The following TTLL2 variants were observed in gnomAD, a reference collection of about 807,000 sequenced individuals.
TTLL2 encodes tubulin tyrosine ligase like 2, also known as probable tubulin polyglutamylase TTLL2.
Under a neutral mutation model 7.5 loss-of-function variants are expected in TTLL2, and 10 were observed. The observed-to-expected ratio is 1.33, with a 90% CI of 0.82 to 2.25. The LOEUF is 2.25. TTLL2 is among the 30% of genes most tolerant of loss of function. The probability of loss-of-function intolerance (pLI) is 0.00; values close to 1 mark genes in which losing one functional copy is unlikely to be tolerated. For missense variants in TTLL2, 733 were observed against 735.7 expected (o/e 1.00, Z 0.04); for synonymous variants, 284 against 280.3 (o/e 1.01, Z -0.13).
intron 1 of TTLL2, among the ~76,000 whole-genome samples, chr6:167,325,711 T>C (rs1227500581): frequency 6.6e-6 from 1 of 152,094 alleles, no homozygotes; most frequent in Non-Finnish European, 1.5e-5. Flanking sequence ...CAGAATTGTT[T>C]CCATAGGATA....
chr6:167,329,173 G>C (rs886913565), intron 1 of TTLL2, among the ~76,000 whole-genome samples: 1 of 152,076 alleles, frequency 6.6e-6, no homozygotes, highest in African/African-American at 2.4e-5. Context: ...TGAAACACAG[G>C]CTCCCACCTC....
Position 167,342,596 on chromosome 6 carries a change from G to T in TTLL2, c.*917G>T, listed in dbSNP as rs1270091212. The stretch of plus-strand genomic sequence containing the variant: ...AAATGTTCTGGAACTATATAGAGGT[G>T]ATGGTTGCACAACACGGGGAATTCA... On this transcript the variant is annotated 3_prime_UTR_variant, in exon 3 of 3. Coordinates refer to ENST00000239587, the MANE Select transcript of TTLL2 (RefSeq NM_031949.5). 6.6e-6 allele frequency among the ~76,000 whole-genome samples: 1 copy of T among 152,160 alleles called. No individual in the cohort carries two copies. Among genetic ancestry groups the T allele is most frequent in the African/African-American group, 2.4e-5 (1 of 41,416 alleles).
rs202147809 is a variant in TTLL2, at chr6:167,340,721, A to G, written c.821A>G (p.Gln274Arg). 3.1e-6 allele frequency: 5 copies of G among 1,614,190 alleles called. No individual in the cohort carries two copies. Among genetic ancestry groups the G allele is most frequent in the Non-Finnish European group, 4.2e-6 (5 of 1,180,042 alleles). Reference protein sequence around the residue: ...GFKPLTIYVYQEGLVRFATEK... With the variant: ...GFKPLTIYVYREGLVRFATEK... ...AAGCCTTTGACCATTTATGTTTATC[A>G]GGAAGGGTTGGTTCGGTTTGCCACG... is the stretch of plus-strand genomic sequence containing the variant. Residue 274 changes from glutamine (Q) to arginine (R), a missense_variant, in exon 3 of 3, where the codon CAG (glutamine) becomes CGG (arginine). By Grantham distance (43) the Gln-to-Arg change is conservative. Transcript: ENST00000239587.
At chr6:167,328,275 C>A (rs1163049334) in intron 1 of TTLL2, 1 of 361,702 alleles carries the variant, frequency 2.8e-6, no homozygotes, top group African/African-American at 2.1e-5. Flanking sequence ...GTCTTCTGGG[C>A]AAATCAGTGG....
chr6:167,338,726 C>T lies in TTLL2; in HGVS notation c.127C>T (p.Leu43=), dbSNP rs770225993. Residue 43 remains leucine (L), a synonymous_variant, in exon 2 of 3, where the codon CTG becomes TTG. Transcript: ENST00000239587. ...ANHTEQPPAG[L]GARLQEAGVS... is the part of the protein sequence containing the mutation. ...CCACACTGAGCAGCCGCCTGCAGGC[C>T]TGGGAGCAAGGCTACAGGAAGCAGG... The T allele has an allele frequency of 6.2e-7, 1 of 1,614,126 alleles. No homozygotes were observed. Among genetic ancestry groups the T allele is most frequent in the African/African-American group, 1.3e-5 (1 of 75,048 alleles).
Position 167,342,219 on chromosome 6 carries a change from A to T in TTLL2, c.*540A>T, listed in dbSNP as rs1779107037. Among the ~76,000 whole-genome samples, 1 of 152,228 alleles carries T rather than the reference A, an allele frequency of 6.6e-6. No individual in the cohort carries two copies. The highest frequency in any genetic ancestry group is 1.5e-5 in the Non-Finnish European group (1 of 68,042). On this transcript the variant is annotated 3_prime_UTR_variant, in exon 3 of 3. Coordinates refer to ENST00000239587, the MANE Select transcript of TTLL2 (RefSeq NM_031949.5). Reference sequence around the variant, plus strand: ...TGGGCTTGAAATCAGACTTTGCACCAAAGAGCTCCCTGTGGGGGCATCTTT... The same window carrying T: ...TGGGCTTGAAATCAGACTTTGCACCTAAGAGCTCCCTGTGGGGGCATCTTT...
Position 167,340,543 on chromosome 6 carries a change from G to A in TTLL2, c.643G>A (p.Glu215Lys), listed in dbSNP as rs1197636373. ...KHSYWICKPAELSRGRGILIF... is the reference protein window; with the variant it reads ...KHSYWICKPAKLSRGRGILIF... ...TAGCTATTGGATTTGCAAGCCTGCT[G>A]AGTTATCTCGTGGGAGGGGGATACT... The change falls in exon 3 of 3, where the codon GAG (glutamate) becomes AAG (lysine). Residue 215 changes from glutamate (E) to lysine (K), a missense_variant. Glu to Lys is a moderately conservative substitution (Grantham distance 56, BLOSUM62 1). Coordinates refer to ENST00000239587, the MANE Select transcript of TTLL2 (RefSeq NM_031949.5). The A allele has an allele frequency of 3.7e-6, 6 of 1,614,186 alleles. No homozygotes were observed. The highest frequency in any genetic ancestry group is 5.1e-6 in the Non-Finnish European group (6 of 1,180,040).
At position 167,338,708 on chromosome 6, in the gene TTLL2, G is replaced by A. The variant is rs1461202672; in HGVS notation, c.109G>A (p.Glu37Lys). 6.2e-7 allele frequency: 1 copy of A among 1,613,996 alleles called. No homozygotes were observed. Among genetic ancestry groups the A allele is most frequent in the Non-Finnish European group, 8.5e-7 (1 of 1,180,002 alleles). The change falls in exon 2 of 3, where the codon GAG becomes AAG. Residue 37 changes from glutamate (E) to lysine (K), a missense_variant. Transcript: ENST00000239587. ...CATTCCATCCGAGGCAAACCACACT[G>A]AGCAGCCGCCTGCAGGCCTGGGAGC... ...LNIPSEANHTEQPPAGLGARL... is the reference protein window; with the variant it reads ...LNIPSEANHTKQPPAGLGARL...
At chr6:167,337,598 G>A (rs1445573438) in intron 1 of TTLL2, among the ~76,000 whole-genome samples, 2 of 152,198 alleles carry the variant, frequency 1.3e-5, no homozygotes, top group Non-Finnish European at 2.9e-5. Context: ...GCAGTCTGGC[G>A]CGGTGTCCCC....
In TTLL2 at chr6:167,325,154, A is replaced by G. The variant is rs1203386904; in HGVS notation, c.-20A>G. 4 of 1,569,578 alleles carry G rather than the reference A, an allele frequency of 2.5e-6. No homozygotes were observed. The African/African-American group carries it at 4.1e-5, about 16-fold the overall frequency. On this transcript the variant is annotated 5_prime_UTR_variant, in exon 1 of 3. Transcript: ENST00000239587. ...TGCTGCACAGAGACCCACAGAGGCCACCCTCGGAACCAGCGCCCAATGAGA... is the reference window on the plus strand; with the variant it reads ...TGCTGCACAGAGACCCACAGAGGCCGCCCTCGGAACCAGCGCCCAATGAGA...
In TTLL2 at chr6:167,328,187, C is replaced by T. The variant is rs1778871657; in HGVS notation, c.47+2967C>T. 6.6e-6 allele frequency: 3 copies of T among 453,210 alleles called. 1 individual carries two copies. Among genetic ancestry groups the T allele is most frequent in the South Asian group, 4.7e-5 (3 of 64,310 alleles). 28.1% of individuals were successfully genotyped at this position (453,210 alleles called of 1,614,324 possible). A position where few individuals can be genotyped will look rare whatever the true frequency, so the allele number is the denominator to read the frequency against. On this transcript the variant is annotated intron_variant, in intron 1 of 2. Coordinates refer to ENST00000239587, the MANE Select transcript of TTLL2 (RefSeq NM_031949.5). The stretch of plus-strand genomic sequence containing the variant: ...AGCCTGTCTTGGATGGAAGAAAGCA[C>T]CAAAACTAGGAGCTGTCGGCTAAGG...
chr6:167,329,736 C>G (rs921033524), intron 1 of TTLL2, among the ~76,000 whole-genome samples: 35 of 152,204 alleles, frequency 2.3e-4, no homozygotes, highest in Admixed American at 1.9e-3. Context: ...TAGCCAGGAC[C>G]CAGCCTCTGC....
At position 167,340,370 on chromosome 6, in the gene TTLL2, A is replaced by G; in HGVS notation, c.470A>G (p.Asp157Gly). The stretch of plus-strand genomic sequence containing the variant: ...GGAACCACCAAGCTTACCAGGAAAG[A>G]CTGTTTGGCCAAACACCTGAAGCAC... ...HPGTTKLTRK[D>G]CLAKHLKHMR... The change falls in exon 3 of 3, where the codon GAC (aspartate) becomes GGC (glycine). Residue 157 changes from aspartate (D) to glycine (G), a missense_variant. Asp to Gly is a moderately conservative substitution (Grantham distance 94, BLOSUM62 -1). Coordinates refer to ENST00000239587, the MANE Select transcript of TTLL2 (RefSeq NM_031949.5). 4.3e-6 allele frequency: 7 copies of G among 1,614,126 alleles called. No individual in the cohort carries two copies. Among genetic ancestry groups the G allele is most frequent in the Non-Finnish European group, 5.1e-6 (6 of 1,180,018 alleles).
intron 1 of TTLL2, among the ~76,000 whole-genome samples, chr6:167,338,327 T>C (rs1212134700): frequency 6.6e-6 from 1 of 150,452 alleles, no homozygotes; most frequent in Non-Finnish European, 1.5e-5. Flanking sequence ...ATGCATGCCA[T>C]ATGCAACACA....
chr6:167,325,602 T>G (rs1778838482), intron 1 of TTLL2, among the ~76,000 whole-genome samples: 1 of 152,066 alleles, frequency 6.6e-6, no homozygotes, highest in Admixed American at 6.5e-5. Context: ...CAAAGCCGAT[T>G]GAATGGCCGC....
chr6:167,326,162 TCTTGGGG>T (rs1312663095), intron 1 of TTLL2, among the ~76,000 whole-genome samples: 1 of 152,100 alleles, frequency 6.6e-6, no homozygotes, highest in African/African-American at 2.4e-5. Flanking sequence ...ACTCTGGGTG[TCTTGGGG>T]CTGAGCGTAC....
chr6:167,330,291 C>T (rs1420658145), intron 1 of TTLL2, among the ~76,000 whole-genome samples: 1 of 152,176 alleles, frequency 6.6e-6, no homozygotes, highest in Non-Finnish European at 1.5e-5. Flanking sequence ...GGTGCAGTGG[C>T]TCATTCCTGT....
At chr6:167,326,791 A>G (rs1193116355) in intron 1 of TTLL2, among the ~76,000 whole-genome samples, 3 of 152,176 alleles carry the variant, frequency 2.0e-5, no homozygotes, top group Admixed American at 6.5e-5. Context: ...TGTGTGGCCC[A>G]AGACAATTCT....
At chr6:167,328,221 G>A (rs1366639720) in intron 1 of TTLL2, 7 of 435,934 alleles carry the variant, frequency 1.6e-5, no homozygotes, top group Non-Finnish European at 2.3e-5. Context: ...GGAGGCTGCC[G>A]TCCCTGGGAG....
Sources: gnomAD v4.1 joint callset for allele counts (sites outside exome capture counted in the v4.1 genomes callset) on GRCh38, gnomAD v4.1.1 for gene constraint, MANE v1.5 for transcripts, NCBI Gene and HGNC (gene_info 2026-07-23, HGNC 2026-07-21) for gene names.